SPART: variants seen among roughly 807,000 people sequenced by gnomAD.
SPART encodes the protein spastic paraplegia 20 (Troyer syndrome).
SPART carries 35 observed loss-of-function variants against 58.7 expected under a neutral mutation model. The observed-to-expected ratio is 0.60, with a 90% confidence interval of 0.46 to 0.79. The LOEUF (loss-of-function observed/expected upper bound fraction) is 0.79, where lower values mean the gene tolerates loss of function less well. Among genes scored for constraint, SPART ranks in the 30% least tolerant of loss-of-function variants. The probability of loss-of-function intolerance (pLI) is 0.00; values close to 1 mark genes in which losing one functional copy is unlikely to be tolerated. For missense variants in SPART, 730 were observed against 786.1 expected (o/e 0.93, Z 0.85); for synonymous variants, 284 against 280.7 (o/e 1.01, Z -0.12).
intron 3 of SPART, 37 bp downstream of exon 3, chr13:36,331,362 A>G (rs1360405108): frequency 6.3e-7 from 1 of 1,577,840 alleles, no homozygotes; most frequent in Admixed American, 1.7e-5. Context: ...ATGTTAAAGT[A>G]GATTTTTTTC....
At chr13:36,343,318 ATAT>A (rs1377884511) in intron 1 of SPART, among the ~76,000 whole-genome samples, 1 of 152,182 alleles carries the variant, frequency 6.6e-6, no homozygotes, top group Non-Finnish European at 1.5e-5. Context: ...CCTTAAGATA[ATAT>A]TCTGTGGGGT....
chr13:36,312,029 G>A, intron 8 of SPART, 116 bp downstream of exon 8: 1 of 905,984 alleles, frequency 1.1e-6, no homozygotes, highest in Non-Finnish European at 1.7e-6. Flanking sequence ...GGAGGTTGCA[G>A]TGACCTAAGA....
At chr13:36,368,053 A>G (rs1886136814) in intron 1 of SPART, 3 of 268,958 alleles carry the variant, frequency 1.1e-5, no homozygotes, top group South Asian at 1.0e-4. Context: ...CATTAATATT[A>G]GTAAACCTTT....
chr13:36,349,261 T>TCAAA (rs1310517118), upstream of SPART, among the ~76,000 whole-genome samples: 2 of 152,196 alleles, frequency 1.3e-5, no homozygotes, highest in Non-Finnish European at 2.9e-5. Context: ...AAACTCTGTC[T>TCAAA]CAAACAAACA....
chr13:36,346,753 G>C (rs4943362), upstream of SPART: 152,607 of 152,620 alleles, frequency 1, 76,297 homozygotes, highest in Middle Eastern at 1. Context: ...TCGGCTGCTC[G>C]GCGCCTGCGC....
At chr13:36,354,731 C>T (rs996492225) in intron 1 of SPART, among the ~76,000 whole-genome samples, 11 of 152,146 alleles carry the variant, frequency 7.2e-5, no homozygotes, top group Non-Finnish European at 8.8e-5. Context: ...AATTGCTTTC[C>T]TAAGTCCTGT....
At chr13:36,362,089 G>A (rs543944894) in intron 1 of SPART, among the ~76,000 whole-genome samples, 22 of 152,246 alleles carry the variant, frequency 1.4e-4, no homozygotes, top group East Asian at 5.8e-4. Context: ...GGTGGCTCAC[G>A]CCTGTAATCC....
At chr13:36,326,255 G>A (rs1190186736) in intron 5 of SPART, 1 of 354,742 alleles carries the variant, frequency 2.8e-6, no homozygotes, top group Non-Finnish European at 5.4e-6. Context: ...GTAGGGGGAG[G>A]TTAAGAGGGA....
intron 8 of SPART, among the ~76,000 whole-genome samples, chr13:36,310,789 A>G (rs1881009303): frequency 6.6e-6 from 1 of 152,108 alleles, no homozygotes; most frequent in South Asian, 2.1e-4. Flanking sequence ...AAGCCAAAGG[A>G]AGAACACCCA....
intron 8 of SPART, among the ~76,000 whole-genome samples, chr13:36,311,938 T>C (rs1881155856): frequency 1.3e-5 from 2 of 151,568 alleles, no homozygotes; most frequent in African/African-American, 4.8e-5. Context: ...AAAAAAAAAA[T>C]TAGCCGGGCA....
chr13:36,363,729 G>A (rs773474915), intron 1 of SPART, among the ~76,000 whole-genome samples: 6 of 151,584 alleles, frequency 4.0e-5, no homozygotes, highest in Non-Finnish European at 7.4e-5. Context: ...ATGCCTCAGC[G>A]TCTCAGCAGT....
chr13:36,364,452 A>G (rs1885981905), intron 1 of SPART, among the ~76,000 whole-genome samples: 1 of 152,128 alleles, frequency 6.6e-6, no homozygotes, highest in Admixed American at 6.5e-5. Context: ...TAATAAAAAG[A>G]GCCAACACTG....
intron 2 of SPART, among the ~76,000 whole-genome samples, chr13:36,334,176 T>C (rs139541866): frequency 6.6e-6 from 1 of 152,336 alleles, no homozygotes; most frequent in East Asian, 1.9e-4. Flanking sequence ...TGAGTCCTCA[T>C]TTCAAGAACT....
At chr13:36,324,128 T>C (rs1439887839) in intron 5 of SPART, among the ~76,000 whole-genome samples, 1 of 152,242 alleles carries the variant, frequency 6.6e-6, no homozygotes, top group Non-Finnish European at 1.5e-5. Flanking sequence ...AATGTTAATC[T>C]TTCCACAAGA....
intron 1 of SPART, among the ~76,000 whole-genome samples, chr13:36,364,406 C>T (rs1303336160): frequency 6.6e-6 from 1 of 152,128 alleles, no homozygotes; most frequent in African/African-American, 2.4e-5. Flanking sequence ...CAGGGATCAT[C>T]TTAGAAGCAT....
chr13:36,321,534 A>C (rs537470150), intron 5 of SPART, among the ~76,000 whole-genome samples: 1 of 149,812 alleles, frequency 6.7e-6, no homozygotes, highest in African/African-American at 2.5e-5. Flanking sequence ...TCTTCTAACA[A>C]CCCCACAATA....
At position 36,304,022 on chromosome 13, in the gene SPART, C is replaced by T. The variant is rs1385615002; in HGVS notation, c.*343G>A. The T allele has an allele frequency of 7.7e-6, 2 of 260,328 alleles. No homozygotes were observed. Among genetic ancestry groups the T allele is most frequent in the Non-Finnish European group, 1.5e-5 (2 of 136,292 alleles). 16.1% of individuals were successfully genotyped at this position (260,328 alleles called of 1,614,324 possible). ...AAGCAAATATATAGTTTCCTATTTGCCTTCTGAAAGACAGCAGATATAAAA... is the reference window on the plus strand; with the variant it reads ...AAGCAAATATATAGTTTCCTATTTGTCTTCTGAAAGACAGCAGATATAAAA... On this transcript the variant is annotated 3_prime_UTR_variant, in exon 9 of 9. Coordinates refer to ENST00000438666, the MANE Select transcript of SPART (RefSeq NM_015087.5).
chr13:36,362,180 G>A (rs920054633), intron 1 of SPART, among the ~76,000 whole-genome samples: 2 of 151,910 alleles, frequency 1.3e-5, no homozygotes, highest in East Asian at 1.9e-4. Flanking sequence ...GCAAAACCCC[G>A]TCTCTACTAC....
chr13:36,344,035 TAAAA>T (rs35639781), intron 1 of SPART, among the ~76,000 whole-genome samples: 1 of 129,858 alleles, frequency 7.7e-6, no homozygotes, highest in Admixed American at 7.9e-5. Flanking sequence ...CTTGTCTCTT[TAAAA>T]AAAAAAAAAA....
Sources: allele counts gnomAD v4.1 joint callset (sites outside exome capture counted in the v4.1 genomes callset), GRCh38; gene constraint gnomAD v4.1.1; transcripts MANE v1.5; gene names NCBI Gene and HGNC (gene_info 2026-07-23, HGNC 2026-07-21).